Variants in PBRM1 observed in about 807,000 individuals in gnomAD.
The protein encoded by PBRM1 is polybromo 1, also known as protein polybromo-1.
In PBRM1, 27 loss-of-function variants were observed where a neutral mutation model predicts 194.5. The observed-to-expected ratio is 0.14, with a 90% CI of 0.10 to 0.19. The LOEUF is 0.19. Ranked by LOEUF, PBRM1 falls within the 10% of genes least tolerant of loss-of-function variation. The probability of loss-of-function intolerance (pLI) is 1.00; values close to 1 mark genes in which losing one functional copy is unlikely to be tolerated. For synonymous variants in PBRM1, 655 were observed against 693.2 expected, an observed-to-expected ratio of 0.94 and a Z score of 0.87; for missense variants, 1,466 against 2,077.2, an observed-to-expected ratio of 0.71 and a Z score of 5.72.
At chr3:52,665,363 T>C (rs922939506) in intron 3 of PBRM1, among the ~76,000 whole-genome samples, 1 of 151,668 alleles carries the variant, frequency 6.6e-6, no homozygotes, top group Non-Finnish European at 1.5e-5. Flanking sequence ...GGGGTCTTAG[T>C]ACACTGCCTA....
chr3:52,664,161 G>A (rs1226254192), intron 3 of PBRM1, among the ~76,000 whole-genome samples: 1 of 151,398 alleles, frequency 6.6e-6, no homozygotes, highest in Non-Finnish European at 1.5e-5. Context: ...GTTTAAGGCT[G>A]CAGTGAGCTA....
intron 17 of PBRM1, among the ~76,000 whole-genome samples, chr3:52,592,164 C>T (rs1252672180): frequency 4.4e-5 from 6 of 134,936 alleles, no homozygotes; most frequent in East Asian, 2.2e-4. Context: ...GATGGATTCT[C>T]GCTCTGTCGC....
chr3:52,670,531 A>G (rs1414263849), intron 2 of PBRM1, among the ~76,000 whole-genome samples: 1 of 152,246 alleles, frequency 6.6e-6, no homozygotes, highest in Non-Finnish European at 1.5e-5. Flanking sequence ...TCTTTCAACA[A>G]TAGATGAGGG....
At chr3:52,587,158 G>A (rs543153763) in intron 19 of PBRM1, among the ~76,000 whole-genome samples, 195 bp downstream of exon 21, 1 of 152,268 alleles carries the variant, frequency 6.6e-6, no homozygotes, top group African/African-American at 2.4e-5. Flanking sequence ...GCCAAATAGT[G>A]TAAGCAGCAA....
intron 20 of PBRM1, among the ~76,000 whole-genome samples, chr3:52,584,517 G>A (rs1459771090): frequency 1.5e-5 from 2 of 129,768 alleles, no homozygotes; most frequent in South Asian, 2.4e-4. Context: ...GTGCAGTGGT[G>A]CAATCACAAT....
intron 26 of PBRM1, among the ~76,000 whole-genome samples, chr3:52,556,405 T>A (rs1230855471): frequency 1.3e-5 from 2 of 152,198 alleles, no homozygotes; most frequent in Non-Finnish European, 2.9e-5. Context: ...CATGAAGAGA[T>A]CCAATGCTAC....
chr3:52,556,748 C>T (rs953864989), intron 26 of PBRM1, among the ~76,000 whole-genome samples: 1 of 152,146 alleles, frequency 6.6e-6, no homozygotes, highest in East Asian at 1.9e-4. Context: ...CTGCAGGGTT[C>T]CCCATGAGGA....
intron 6 of PBRM1, among the ~76,000 whole-genome samples, chr3:52,650,345 C>G (rs901954055): frequency 1.0e-4 from 11 of 108,170 alleles, no homozygotes; most frequent in Middle Eastern, 0.011. Flanking sequence ...GCCTGGGTGA[C>G]AGGGCAAGAC....
At position 52,603,875 on chromosome 3, in the gene PBRM1, T is replaced by C. The variant is rs758268640; in HGVS notation, c.2568-143A>G. 1.4e-5 allele frequency: 11 copies of C among 778,078 alleles called. No homozygotes were observed. Among genetic ancestry groups the C allele is most frequent in the Non-Finnish European group, 2.2e-5 (11 of 502,682 alleles). 48.2% of individuals were successfully genotyped at this position (778,078 alleles called of 1,614,324 possible). A position where few individuals can be genotyped will look rare whatever the true frequency, so the allele number is the denominator to read the frequency against. On this transcript the variant is annotated intron_variant, in intron 16 of 29. Coordinates refer to ENST00000296302, the Ensembl canonical transcript of PBRM1. ...TCTATGAAGAGTATCTTTCCGAAGT[T>C]TGTTAGAACAAAATCCAAAGTGTCA...
downstream of PBRM1, chr3:52,547,278 C>T (rs1575414806): frequency 4.3e-6 from 1 of 233,022 alleles, no homozygotes; most frequent in Non-Finnish European, 8.5e-6. Context: ...GGGTTGTGCA[C>T]GTGTTCTGCA....
chr3:52,629,524 A>C (rs1408808385), intron 11 of PBRM1, among the ~76,000 whole-genome samples: 3 of 152,236 alleles, frequency 2.0e-5, no homozygotes. Flanking sequence ...TATAAACAAT[A>C]AAGAGTGGTC....
intron 20 of PBRM1, among the ~76,000 whole-genome samples, chr3:52,580,519 C>T (rs946100255): frequency 3.3e-5 from 5 of 152,034 alleles, no homozygotes; most frequent in African/African-American, 1.2e-4. Context: ...CTACCATGCC[C>T]AGCTAATTTT....
intron 2 of PBRM1, among the ~76,000 whole-genome samples, chr3:52,670,774 T>A (rs761136139): frequency 3.9e-5 from 6 of 152,214 alleles, no homozygotes; most frequent in Non-Finnish European, 5.9e-5. Context: ...GGAGGACTGC[T>A]TGAGCCCAGG....
Position 52,596,130 on chromosome 3 carries a change from T to C in PBRM1, c.2780-6875A>G, listed in dbSNP as rs139213744. Among the ~76,000 whole-genome samples, 25 of 152,276 alleles carry C rather than the reference T, an allele frequency of 1.6e-4. No individual in the cohort carries two copies. The East Asian group carries it at 4.8e-3, about 29-fold the overall frequency. ...ATAACTTTAGCTATTCTGAGTCTTTTATGGTTCCATATAAATTGTAGGATT... is the reference window on the plus strand; with the variant it reads ...ATAACTTTAGCTATTCTGAGTCTTTCATGGTTCCATATAAATTGTAGGATT... On this transcript the variant is annotated intron_variant, in intron 17 of 29. Transcript: ENST00000296302.
chr3:52,577,181 A>G (rs1043309549), intron 21 of PBRM1, among the ~76,000 whole-genome samples: 1 of 152,204 alleles, frequency 6.6e-6, no homozygotes, highest in East Asian at 1.9e-4. Context: ...CTGTAATCCC[A>G]GCACTTTGGG....
intron 5 of PBRM1, among the ~76,000 whole-genome samples, chr3:52,655,053 CTTTTA>C (rs1489100075): frequency 1.3e-5 from 2 of 152,080 alleles, no homozygotes; most frequent in South Asian, 2.1e-4. Flanking sequence ...TCCTGTACTT[CTTTTA>C]TAATTTTTTT....
At chr3:52,650,586 T>G (rs2096463634) in intron 6 of PBRM1, among the ~76,000 whole-genome samples, 1 of 152,126 alleles carries the variant, frequency 6.6e-6, no homozygotes, top group South Asian at 2.1e-4. Context: ...TGTTTTCCTT[T>G]TTGCCTTACC....
chr3:52,641,877 G>GA (rs1216942121), intron 10 of PBRM1, 77 bp downstream of exon 11: 12 of 926,110 alleles, frequency 1.3e-5, no homozygotes, highest in Middle Eastern at 2.1e-4. Context: ...CCCTAGGCCA[G>GA]AAAAAATCAC....
At chr3:52,617,149 C>CA in intron 14 of PBRM1, 113 bp downstream of exon 16, 1 of 787,612 alleles carries the variant, frequency 1.3e-6, no homozygotes, top group Non-Finnish European at 1.9e-6. Flanking sequence ...ACCTAGTCAC[C>CA]AAAAAGAATA....
Sources: gnomAD v4.1 joint callset for allele counts (sites outside exome capture counted in the v4.1 genomes callset) on GRCh38, gnomAD v4.1.1 for gene constraint, MANE v1.5 for transcripts, NCBI Gene and HGNC (gene_info 2026-07-23, HGNC 2026-07-21) for gene names.